Variants in ACOX3 observed in about 807,000 individuals in gnomAD.
ACOX3 encodes the protein acyl-CoA oxidase 3, pristanoyl.
Under a neutral mutation model 81.5 loss-of-function variants are expected in ACOX3, and 73 were observed. The ratio of observed to expected loss-of-function variants is 0.90; its 90% CI spans 0.74 to 1.09. The LOEUF (loss-of-function observed/expected upper bound fraction) is 1.09. Ranked by LOEUF, ACOX3 falls within the 50% of genes least tolerant of loss-of-function variation. The probability of loss-of-function intolerance (pLI) is 0.00; values close to 1 mark genes in which losing one functional copy is unlikely to be tolerated. For synonymous variants in ACOX3, 387 were observed against 375.1 expected (o/e 1.03, Z -0.37); for missense variants, 947 against 928.0 (o/e 1.02, Z -0.27).
intron 8 of ACOX3, among the ~76,000 whole-genome samples, chr4:8,397,696 A>C (rs1368261376): frequency 1.3e-5 from 2 of 152,192 alleles, no homozygotes; most frequent in Non-Finnish European, 2.9e-5. Context: ...GGGCACATCT[A>C]ATCTACAGCC....
At chr4:8,422,728 C>G (rs1292256008) in intron 1 of ACOX3, among the ~76,000 whole-genome samples, 1 of 152,182 alleles carries the variant, frequency 6.6e-6, no homozygotes, top group East Asian at 1.9e-4. Context: ...TGTATCGCAG[C>G]AGGGGAGGTA....
intron 3 of ACOX3, among the ~76,000 whole-genome samples, chr4:8,415,241 C>T (rs1722188719): frequency 6.6e-6 from 1 of 152,218 alleles, no homozygotes; most frequent in African/African-American, 2.4e-5. Context: ...GCAAGGAGTC[C>T]TGGGGGTCTG....
In ACOX3 at chr4:8,415,883, C is replaced by T. The variant is rs1012776130; in HGVS notation, c.261G>A (p.Glu87=). ...TGTCTTCGACACTGAGGAAGTCATA[C>T]TCGAAGATCCGCTTGCATCGAAGGA... ...LNFLRCKRIF[E]YDFLSVEDMF... is the part of the protein sequence containing the mutation. The change falls in exon 3 of 18, where the codon GAG becomes GAA. Residue 87 remains glutamate (E), a synonymous_variant. Transcript: ENST00000356406. 1 of 1,614,222 alleles carries T rather than the reference C, an allele frequency of 6.2e-7. No homozygotes were observed. Among genetic ancestry groups the T allele is most frequent in the Non-Finnish European group, 8.5e-7 (1 of 1,180,050 alleles).
rs775325228 is a variant in ACOX3, at chr4:8,373,542, G to A, written c.1896+19C>T. 25 of 1,613,544 alleles carry A rather than the reference G, an allele frequency of 1.5e-5. No individual in the cohort carries two copies. Among genetic ancestry groups the A allele is most frequent in the Middle Eastern group, 1.6e-4 (1 of 6,080 alleles). ...TGTGTAACATGGATGTAGAGAACGC[G>A]ACAGCACCCACGGCTCACCTGGGAA... is the stretch of plus-strand genomic sequence containing the variant. On this transcript the variant is annotated intron_variant, in intron 16 of 17. Transcript: ENST00000356406.
chr4:8,371,809 G>A (rs2108789372), intron 16 of ACOX3, among the ~76,000 whole-genome samples: 1 of 152,398 alleles, frequency 6.6e-6, no homozygotes, highest in South Asian at 2.1e-4. Flanking sequence ...CAGGCGCTGA[G>A]CCCGACAAAC....
intron 9 of ACOX3, among the ~76,000 whole-genome samples, chr4:8,395,820 A>G (rs1719630739): frequency 1.3e-5 from 2 of 152,162 alleles, no homozygotes; most frequent in African/African-American, 4.8e-5. Context: ...AGCCCTGGTC[A>G]AAGGATGTGG....
chr4:8,392,809 T>C (rs1047172617), intron 10 of ACOX3, among the ~76,000 whole-genome samples: 5 of 152,096 alleles, frequency 3.3e-5, no homozygotes, highest in African/African-American at 1.2e-4. Context: ...CCATGGAAGG[T>C]TGCAATTGTT....
chr4:8,389,668 A>T lies in ACOX3; in HGVS notation c.1367T>A (p.Ile456Asn). Residue 456 changes from isoleucine (I) to asparagine (N), a missense_variant, in exon 12 of 18, where the codon ATC (isoleucine) becomes AAC (asparagine). Coordinates refer to ENST00000356406, the MANE Select transcript of ACOX3 (RefSeq NM_003501.3). This position sits in a 1 kb window ranked among gnomAD's most constrained non-coding sequence, Gnocchi z 5.3. ...ATAGTTGCTTGTCTGCTGCAGCAGGATGTTGTTGTCACCTTCGTATGTGCA... is the reference window on the plus strand; with the variant it reads ...ATAGTTGCTTGTCTGCTGCAGCAGGTTGTTGTTGTCACCTTCGTATGTGCA... ...PNCTYEGDNNILLQQTSNYLL... is the reference protein window; with the variant it reads ...PNCTYEGDNNNLLQQTSNYLL... 1 of 1,614,054 alleles carries T rather than the reference A, an allele frequency of 6.2e-7. No individual in the cohort carries two copies. Among genetic ancestry groups the T allele is most frequent in the South Asian group, 1.1e-5 (1 of 91,082 alleles).
At position 8,366,936 on chromosome 4, in the gene ACOX3, C is replaced by T. The variant is rs145141011; in HGVS notation, c.*25G>A. ...GATTAGTTCCCTTCGTTTCATTAGACTTGGCTGAATGTGTGCCAGTCCCAC... is the reference window on the plus strand; with the variant it reads ...GATTAGTTCCCTTCGTTTCATTAGATTTGGCTGAATGTGTGCCAGTCCCAC... On this transcript the variant is annotated 3_prime_UTR_variant, in exon 18 of 18. Transcript: ENST00000356406. 65 of 1,612,570 alleles carry T rather than the reference C, an allele frequency of 4.0e-5. No individual in the cohort carries two copies. In the East Asian group the frequency reaches 1.4e-3, roughly 35 times the overall value.
At position 8,414,745 on chromosome 4, in the gene ACOX3, G is replaced by A. The variant is rs1046234390; in HGVS notation, c.453+109C>T. The A allele has an allele frequency of 2.8e-6, 3 of 1,067,332 alleles. No homozygotes were observed. The highest frequency in any genetic ancestry group is 2.1e-4 in the Middle Eastern group (1 of 4,858). 66.1% of individuals were successfully genotyped at this position (1,067,332 alleles called of 1,614,324 possible). ...GCCTGAGAACACTAGGAAACAAGAAGAGCATAAGCCCCCTGGGCACCCCCT... is the reference window on the plus strand; with the variant it reads ...GCCTGAGAACACTAGGAAACAAGAAAAGCATAAGCCCCCTGGGCACCCCCT... On this transcript the variant is annotated intron_variant, in intron 4 of 17. Coordinates refer to ENST00000356406, the MANE Select transcript of ACOX3 (RefSeq NM_003501.3). The surrounding 1 kb of genome is among the most constrained non-coding windows in gnomAD (Gnocchi z 6.1).
intron 16 of ACOX3, among the ~76,000 whole-genome samples, chr4:8,373,327 G>A (rs1358803734): frequency 1.3e-5 from 2 of 152,080 alleles, no homozygotes; most frequent in Non-Finnish European, 2.9e-5. Context: ...GGTGTGTGTC[G>A]GCTCATGGGT....
the ACOX3 span, chr4:8,357,199 G>C: frequency 2.2e-6 from 1 of 456,822 alleles, no homozygotes; most frequent in East Asian, 6.9e-5. Context: ...GCAGGTGAGG[G>C]AAAGGAGAAC....
intron 14 of ACOX3, among the ~76,000 whole-genome samples, chr4:8,377,241 T>G (rs3796750): frequency 2.1e-4 from 32 of 152,094 alleles, no homozygotes; most frequent in Middle Eastern, 6.8e-3. Context: ...CGAATCTGAG[T>G]GAGCCCTGTG....
At position 8,419,751 on chromosome 4, in the gene ACOX3, T is replaced by C. The variant is rs1193277397; in HGVS notation, c.-14-3216A>G. 4.6e-5 allele frequency among the ~76,000 whole-genome samples: 7 copies of C among 152,188 alleles called. No homozygotes were observed. Among genetic ancestry groups the C allele is most frequent in the African/African-American group, 1.7e-4 (7 of 41,454 alleles). On this transcript the variant is annotated intron_variant, in intron 1 of 17. Coordinates refer to ENST00000356406, the MANE Select transcript of ACOX3 (RefSeq NM_003501.3). This position sits in a 1 kb window ranked among gnomAD's most constrained non-coding sequence, Gnocchi z 4.2. ...TTCCCCACCTCTCATGTTCTGGAGA[T>C]GCCCATACTGAGTGTTCAACACTGA... is the stretch of plus-strand genomic sequence containing the variant.
At chr4:8,360,475 T>G in the ACOX3 span, among the ~76,000 whole-genome samples, 8,172 of 147,502 alleles carry the variant, frequency 0.055, 440 homozygotes, top group African/African-American at 0.15. Context: ...TCTTTGACTT[T>G]TTTTTTTTTT....
rs1718677317 is a variant in ACOX3, at chr4:8,389,246, A to G, written c.1464T>C (p.Phe488=). ...CFRSPLKSVD[F]LDAYPGILDQ... is the part of the protein sequence containing the mutation. The stretch of plus-strand genomic sequence containing the variant: ...CAAGGATGCCGGGATAGGCGTCCAG[A>G]AAGTCCACTGACTTCAGCGGACTGC... Residue 488 remains phenylalanine, a synonymous_variant, in exon 13 of 18, where the codon TTT becomes TTC. Transcript: ENST00000356406. The surrounding 1 kb of genome is among the most constrained non-coding windows in gnomAD (Gnocchi z 5.3). 4 of 1,613,884 alleles carry G rather than the reference A, an allele frequency of 2.5e-6. No homozygotes were observed. Among genetic ancestry groups the G allele is most frequent in the Middle Eastern group, 3.3e-4 (2 of 6,062 alleles).
chr4:8,375,440 G>C (rs1469179570), intron 14 of ACOX3, among the ~76,000 whole-genome samples: 1 of 152,240 alleles, frequency 6.6e-6, no homozygotes, highest in African/African-American at 2.4e-5. Flanking sequence ...GTTGGCACCA[G>C]CACTGCATAC....
rs1718188647 is a variant in ACOX3 at position 8,385,396 on chromosome 4, T to C, written c.1537+3777A>G. Among the ~76,000 whole-genome samples, 1 of 152,160 alleles carries C rather than the reference T, an allele frequency of 6.6e-6. No individual in the cohort carries two copies. The highest frequency in any genetic ancestry group is 1.5e-5 in the Non-Finnish European group (1 of 68,018). On this transcript the variant is annotated intron_variant, in intron 13 of 17. Transcript: ENST00000356406. This position sits in a 1 kb window ranked among gnomAD's most constrained non-coding sequence, Gnocchi z 5.5. ...CACCACTCACCCCATGTGACCCCAC[T>C]GCTCACACATGACCCTATGTCACCT...
intron 8 of ACOX3, 52 bp from the exon 9 acceptor site, chr4:8,397,171 G>T: frequency 6.8e-7 from 1 of 1,476,680 alleles, no homozygotes. Context: ...CGGCCACCTT[G>T]GGCAGAGTGG....
Sources: gnomAD v4.1 joint callset for allele counts (sites outside exome capture counted in the v4.1 genomes callset) on GRCh38, gnomAD v4.1.1 for gene constraint, Gnocchi (gnomAD v3.1) non-coding constraint, MANE v1.5 for transcripts, NCBI Gene and HGNC (gene_info 2026-07-23, HGNC 2026-07-21) for gene names.